EFHD2: variants seen among roughly 807,000 people sequenced by gnomAD.
The protein encoded by EFHD2 is EF-hand domain family member D2, also known as EF-hand domain-containing protein D2.
A neutral mutation model predicts 20.3 loss-of-function variants in EFHD2; 12 were observed. The observed-to-expected ratio is 0.59, with a 90% CI of 0.38 to 0.96. EFHD2 has a LOEUF of 0.96. Ranked by LOEUF, EFHD2 falls within the 40% of genes least tolerant of loss-of-function variation. The probability of loss-of-function intolerance (pLI) is 0.00; values close to 1 mark genes in which losing one functional copy is unlikely to be tolerated. For synonymous variants in EFHD2, 131 were observed against 143.9 expected, an observed-to-expected ratio of 0.91 and a Z score of 0.64; for missense variants, 250 against 334.3, an observed-to-expected ratio of 0.75 and a Z score of 1.97.
intron 1 of EFHD2, among the ~76,000 whole-genome samples, chr1:15,419,427 C>T (rs1018944039): frequency 2.6e-5 from 4 of 152,234 alleles, no homozygotes; most frequent in Non-Finnish European, 5.9e-5. Flanking sequence ...TGCCGAATGG[C>T]ATTGGCCTTC....
rs1707943241 is a variant in EFHD2, at chr1:15,430,072, AGAGGTTT to A, written c.*1349_*1355del. ...AGTCCTGGAAGCTACGCGGACTTGC[AGAGGTTT>A]TATTTTTTGGCCTTAGAATCTGCAG... On this transcript the variant is annotated 3_prime_UTR_variant, in exon 4 of 4. Transcript: ENST00000375980. The A allele has an allele frequency of 6.6e-6, 1 of 152,636 alleles. No homozygotes were observed. The highest frequency in any genetic ancestry group is 3.2e-3 in the Middle Eastern group (1 of 316). The allele number at this position is 152,636 out of a possible 1,614,324, so 9.5% of individuals were successfully genotyped here.
Position 15,420,087 on chromosome 1 carries a change from C to T in EFHD2, c.309-5784C>T, listed in dbSNP as rs189258200. Among the ~76,000 whole-genome samples the T allele has an allele frequency of 5.7e-3, 873 of 152,322 alleles. 11 individuals are homozygous for T. Among genetic ancestry groups the T allele is most frequent in the African/African-American group, 0.019 (786 of 41,560 alleles). On this transcript the variant is annotated intron_variant, in intron 1 of 3. Coordinates refer to ENST00000375980, the MANE Select transcript of EFHD2 (RefSeq NM_024329.6). ...CCCCTGCCTCCAGGCCAAGCCACCA[C>T]AAGCCCTGCCTCCCAACCCTGTACC...
At position 15,426,023 on chromosome 1, in the gene EFHD2, G is replaced by T; in HGVS notation, c.456+5G>T. 1.3e-6 allele frequency: 2 copies of T among 1,569,444 alleles called. No individual in the cohort carries two copies. Among genetic ancestry groups the T allele is most frequent in the Non-Finnish European group, 1.7e-6 (2 of 1,160,482 alleles). On this transcript the variant is annotated splice_donor_5th_base_variant and intron_variant, in intron 2 of 3. Coordinates refer to ENST00000375980, the MANE Select transcript of EFHD2 (RefSeq NM_024329.6). This position sits in a 1 kb window ranked among gnomAD's most constrained non-coding sequence, Gnocchi z 4.6. ...AGCAAGCTGAGCTTCCGGGAGGTAA[G>T]CCCGGCCCCCAGCCCCACTCCCCTA...
chr1:15,427,303 G>T lies in EFHD2; in HGVS notation c.591+19G>T. On this transcript the variant is annotated intron_variant, in intron 3 of 3. Coordinates refer to ENST00000375980, the MANE Select transcript of EFHD2 (RefSeq NM_024329.6). The stretch of plus-strand genomic sequence containing the variant: ...GGCCAAGGTGAGGAGCCCAAGGGGT[G>T]CCCTGACCCACGCTCCAGGACAAGG... The T allele has an allele frequency of 6.3e-7, 1 of 1,599,134 alleles. No homozygotes were observed. The highest frequency in any genetic ancestry group is 1.3e-5 in the African/African-American group (1 of 74,944).
Position 15,427,184 on chromosome 1 carries a change from A to C in EFHD2, c.491A>C (p.Glu164Ala), listed in dbSNP as rs759951070. 4 of 1,609,346 alleles carry C rather than the reference A, an allele frequency of 2.5e-6. No homozygotes were observed. In the South Asian group the frequency reaches 3.3e-5, roughly 13 times the overall value. The change falls in exon 3 of 4, where the codon GAG becomes GCG. Residue 164 changes from glutamate (E) to alanine (A), a missense_variant. Transcript: ENST00000375980. ...LLIFRKAAAG[E>A]LQEDSGLCVL... ...ATCTTCCGCAAGGCGGCGGCCGGGG[A>C]GCTTCAGGAGGACAGCGGGCTGTGC...
chr1:15,412,800 C>CT (rs1557496205), intron 1 of EFHD2, among the ~76,000 whole-genome samples: 1 of 152,132 alleles, frequency 6.6e-6, no homozygotes, highest in South Asian at 2.1e-4. Flanking sequence ...AGCAAACTCA[C>CT]TTTTTTTTAC....
chr1:15,428,629 G>A lies in EFHD2; in HGVS notation c.628G>A (p.Glu210Lys), dbSNP rs777354697. Residue 210 changes from glutamate (E) to lysine (K), a missense_variant, in exon 4 of 4, where the codon GAG (glutamate) becomes AAG (lysine). Glu to Lys is a moderately conservative substitution (Grantham distance 56). Transcript: ENST00000375980. ...CAACGTGTCCAGCCGCTTCGAGGAG[G>A]AGATCAAGGCAGAGCAGGAGGAAAG... ...AINVSSRFEE[E>K]IKAEQEERKK... 6.2e-7 allele frequency: 1 copy of A among 1,611,386 alleles called. No individual in the cohort carries two copies. Among genetic ancestry groups the A allele is most frequent in the South Asian group, 1.1e-5 (1 of 90,600 alleles).
In EFHD2 at chr1:15,418,512, A is replaced by G. The variant is rs112201303; in HGVS notation, c.309-7359A>G. On this transcript the variant is annotated intron_variant, in intron 1 of 3. Transcript: ENST00000375980. ...AGTAGAGACGGGGTTTCACCGTGTT[A>G]GCCAGGATGGTCTCAATCTCCTGAC... Among the ~76,000 whole-genome samples, 154 of 150,304 alleles carry G rather than the reference A, an allele frequency of 1.0e-3. 1 individual carries two copies. In the South Asian group the frequency reaches 0.015, roughly 15 times the overall value.
At chr1:15,425,720 G>A in intron 1 of EFHD2, 151 bp from the exon 2 acceptor site, 1 of 1,106,454 alleles carries the variant, frequency 9.0e-7, no homozygotes, top group Non-Finnish European at 1.3e-6. Flanking sequence ...CCACATATGG[G>A]TCCTCTGCCT....
In EFHD2 at chr1:15,426,653, G is replaced by A. The variant is rs1198059304; in HGVS notation, c.457-497G>A. Among the ~76,000 whole-genome samples, 8 of 152,172 alleles carry A rather than the reference G, an allele frequency of 5.3e-5. 1 individual carries two copies. Among genetic ancestry groups the A allele is most frequent in the African/African-American group, 1.9e-4 (8 of 41,426 alleles). ...GGAGAGAGGTGGCAGGGGCAGGTGG[G>A]GGAGTGCGAGTGGCTGGGCGGGAGG... On this transcript the variant is annotated intron_variant, in intron 2 of 3. Transcript: ENST00000375980. The surrounding 1 kb of genome is among the most constrained non-coding windows in gnomAD (Gnocchi z 4.6).
At position 15,412,968 on chromosome 1, in the gene EFHD2, G is replaced by T. The variant is rs114229317; in HGVS notation, c.308+2689G>T. Among the ~76,000 whole-genome samples the T allele has an allele frequency of 3.5e-3, 538 of 152,296 alleles. 3 individuals carry two copies. Among genetic ancestry groups the T allele is most frequent in the African/African-American group, 0.012 (513 of 41,564 alleles). On this transcript the variant is annotated intron_variant, in intron 1 of 3. Transcript: ENST00000375980. ...GCCAGGAAGCTGGACCTCTAGGGAA[G>T]CAAGTGCTGCCTGCCAGGGCCCGGG...
intron 1 of EFHD2, among the ~76,000 whole-genome samples, chr1:15,424,325 G>A (rs369765750): frequency 1.1e-4 from 17 of 152,176 alleles, no homozygotes; most frequent in African/African-American, 3.1e-4. Flanking sequence ...GGCAAACAGC[G>A]CCTCGCCCTC....
At chr1:15,419,505 C>T (rs1189390622) in intron 1 of EFHD2, among the ~76,000 whole-genome samples, 1 of 149,886 alleles carries the variant, frequency 6.7e-6, no homozygotes, top group Admixed American at 6.6e-5. Flanking sequence ...GAATGTGGGA[C>T]CCTCCATGGG....
Position 15,413,040 on chromosome 1 carries a change from A to G in EFHD2, c.308+2761A>G, listed in dbSNP as rs554446162. On this transcript the variant is annotated intron_variant, in intron 1 of 3. Coordinates refer to ENST00000375980, the MANE Select transcript of EFHD2 (RefSeq NM_024329.6). The surrounding 1 kb of genome is among the most constrained non-coding windows in gnomAD (Gnocchi z 4.4). ...TGTGTATTCAAGGAAACAACGCTTCACTGTGCCAACCGAGCCCAACCCCGC... is the reference window on the plus strand; with the variant it reads ...TGTGTATTCAAGGAAACAACGCTTCGCTGTGCCAACCGAGCCCAACCCCGC... Among the ~76,000 whole-genome samples the G allele has an allele frequency of 6.6e-6, 1 of 152,230 alleles. No individual in the cohort carries two copies. Among genetic ancestry groups the G allele is most frequent in the East Asian group, 1.9e-4 (1 of 5,164 alleles).
chr1:15,418,923 T>G (rs1487776649), intron 1 of EFHD2, among the ~76,000 whole-genome samples: 1 of 152,264 alleles, frequency 6.6e-6, no homozygotes, highest in Non-Finnish European at 1.5e-5. Flanking sequence ...CCTTGTCGGT[T>G]CATGTTCATG....
At chr1:15,418,866 G>A (rs1345210905) in intron 1 of EFHD2, among the ~76,000 whole-genome samples, 2 of 152,178 alleles carry the variant, frequency 1.3e-5, no homozygotes, top group Non-Finnish European at 2.9e-5. Context: ...CGACACCCTT[G>A]TCACCTATGA....
chr1:15,427,621 T>C (rs957206729), intron 3 of EFHD2, among the ~76,000 whole-genome samples: 2 of 152,190 alleles, frequency 1.3e-5, no homozygotes, highest in African/African-American at 4.8e-5. Context: ...GCACTGGCTC[T>C]CCAGGGTCCC....
At chr1:15,414,925 G>A (rs1315212831) in intron 1 of EFHD2, among the ~76,000 whole-genome samples, 2 of 152,212 alleles carry the variant, frequency 1.3e-5, no homozygotes, top group African/African-American at 4.8e-5. Flanking sequence ...CCACCACCCA[G>A]CTGGGTTGCT....
At chr1:15,410,614 A>G (rs531266305) in intron 1 of EFHD2, among the ~76,000 whole-genome samples, 42 of 129,216 alleles carry the variant, frequency 3.3e-4, no homozygotes, top group African/African-American at 1.2e-3. Flanking sequence ...CACCCCCACC[A>G]CCACACGTGT....
Sources: allele counts gnomAD v4.1 joint callset (sites outside exome capture counted in the v4.1 genomes callset), GRCh38; gene constraint gnomAD v4.1.1; non-coding constraint Gnocchi (gnomAD v3.1); transcripts MANE v1.5; gene names NCBI Gene and HGNC (gene_info 2026-07-23, HGNC 2026-07-21).